The following GPHN variants were observed in gnomAD, a reference collection of about 807,000 sequenced individuals.
The protein encoded by GPHN is gephyrin.
Under a neutral mutation model 95.5 loss-of-function variants are expected in GPHN, and 17 were observed. The observed-to-expected ratio is 0.18, with a 90% CI of 0.12 to 0.27. The LOEUF is 0.27. GPHN is among the 10% of genes least tolerant of loss of function. GPHN has a pLI of 1.00. For synonymous variants in GPHN, 320 were observed against 322.5 expected (o/e 0.99, Z 0.08); for missense variants, 660 against 978.1 (o/e 0.67, Z 4.34).
chr14:67,632,562 G>T, the GPHN span, among the ~76,000 whole-genome samples: 1 of 152,110 alleles, frequency 6.6e-6, no homozygotes. Context: ...GTACCCAGGG[G>T]AGTTAGGCTC....
chr14:66,510,347 A>G (rs935942693), intron 1 of GPHN, among the ~76,000 whole-genome samples: 1 of 152,252 alleles, frequency 6.6e-6, no homozygotes, highest in Admixed American at 6.5e-5. Flanking sequence ...TAAACCGTAG[A>G]AACATTTTTA....
the GPHN span, chr14:67,577,328 CTG>C: frequency 6.3e-7 from 1 of 1,577,624 alleles, no homozygotes. Context: ...GCACCCCATG[CTG>C]TGCTACAGCA....
the GPHN span, among the ~76,000 whole-genome samples, chr14:67,525,778 TG>T: frequency 1.3e-5 from 2 of 152,220 alleles, no homozygotes; most frequent in East Asian, 3.8e-4. Context: ...TTAACAATTT[TG>T]CCTCCCAAAA....
At chr14:66,641,041 TA>T (rs1207510803) in intron 1 of GPHN, among the ~76,000 whole-genome samples, 2 of 152,174 alleles carry the variant, frequency 1.3e-5, no homozygotes, top group Non-Finnish European at 2.9e-5. Flanking sequence ...AGGATGAAGC[TA>T]AAAGGATGAA....
intron 20 of GPHN, among the ~76,000 whole-genome samples, chr14:67,167,043 C>CA (rs1428381751): frequency 1.2e-4 from 18 of 152,238 alleles, no homozygotes; most frequent in African/African-American, 4.3e-4. Context: ...TCCCTAATCT[C>CA]GACAAGTTTT....
At chr14:67,618,543 T>A in the GPHN span, among the ~76,000 whole-genome samples, 4 of 151,796 alleles carry the variant, frequency 2.6e-5, no homozygotes, top group East Asian at 7.8e-4. Context: ...CCAGCTATTT[T>A]TTTTTTTTTA....
At chr14:67,254,028 C>T in the GPHN span, among the ~76,000 whole-genome samples, 1 of 134,300 alleles carries the variant, frequency 7.4e-6, no homozygotes, top group Non-Finnish European at 1.5e-5. Context: ...ATATTCATCC[C>T]CCCCCCCTTA....
the GPHN span, among the ~76,000 whole-genome samples, chr14:67,711,322 A>C: frequency 1.3e-5 from 2 of 152,228 alleles, no homozygotes; most frequent in Non-Finnish European, 2.9e-5. Flanking sequence ...GTTTGGCAGT[A>C]ATAAGTATGA....
chr14:67,145,635 C>A (rs1333188653), intron 18 of GPHN, among the ~76,000 whole-genome samples: 3 of 152,098 alleles, frequency 2.0e-5, no homozygotes, highest in African/African-American at 7.2e-5. Context: ...ATACATGCAG[C>A]AAATTCCTGC....
intron 8 of GPHN, among the ~76,000 whole-genome samples, chr14:66,960,440 A>G (rs2068819549): frequency 1.3e-5 from 2 of 152,036 alleles, no homozygotes; most frequent in Non-Finnish European, 2.9e-5. Flanking sequence ...TTTCAGCAGT[A>G]GTAGTTATTT....
chr14:66,684,911 C>A (rs1011565818), intron 2 of GPHN, among the ~76,000 whole-genome samples: 1 of 152,116 alleles, frequency 6.6e-6, no homozygotes, highest in Non-Finnish European at 1.5e-5. Context: ...TCACCCCACC[C>A]CACAACAGGC....
At chr14:66,681,535 T>C (rs1312886510) in intron 2 of GPHN, among the ~76,000 whole-genome samples, 2 of 152,096 alleles carry the variant, frequency 1.3e-5, no homozygotes, top group Non-Finnish European at 2.9e-5. Flanking sequence ...GAATATATTG[T>C]TTATAGTAAT....
At chr14:66,842,866 C>T in intron 4 of GPHN, 1 of 627,950 alleles carries the variant, frequency 1.6e-6, no homozygotes, top group Non-Finnish European at 2.8e-6. Context: ...GTTCTAGGGT[C>T]ATTCTGTATC....
intron 3 of GPHN, among the ~76,000 whole-genome samples, chr14:66,811,097 T>G (rs2060741578): frequency 6.6e-6 from 1 of 152,096 alleles, no homozygotes; most frequent in Admixed American, 6.5e-5. Context: ...AAATGCAAAT[T>G]AAAACATCCA....
At chr14:66,808,667 T>C (rs770839165) in intron 3 of GPHN, among the ~76,000 whole-genome samples, 6 of 152,184 alleles carry the variant, frequency 3.9e-5, no homozygotes, top group Non-Finnish European at 7.4e-5. Flanking sequence ...CGTGGTGGCC[T>C]GTGCCTGTAA....
chr14:67,416,131 A>G, the GPHN span, among the ~76,000 whole-genome samples: 1 of 152,238 alleles, frequency 6.6e-6, no homozygotes, highest in South Asian at 2.1e-4. Flanking sequence ...TTGAAACTTA[A>G]GATAATTAAA....
chr14:66,641,678 G>C (rs1465014024), intron 1 of GPHN, among the ~76,000 whole-genome samples: 2 of 151,158 alleles, frequency 1.3e-5, no homozygotes, highest in African/African-American at 4.9e-5. Context: ...GAGAGAGGTA[G>C]AGCACATTTT....
the GPHN span, among the ~76,000 whole-genome samples, chr14:67,414,586 G>C: frequency 6.6e-6 from 1 of 152,186 alleles, no homozygotes; most frequent in South Asian, 2.1e-4. Flanking sequence ...TTTTTGTCCC[G>C]AAGGGACAGG....
the GPHN span, among the ~76,000 whole-genome samples, chr14:67,424,926 T>G: frequency 6.6e-6 from 1 of 152,348 alleles, no homozygotes; most frequent in East Asian, 1.9e-4. Context: ...TCCCCAAGGC[T>G]GGTCCCTGGG....
Sources: gnomAD v4.1 joint callset for allele counts (sites outside exome capture counted in the v4.1 genomes callset) on GRCh38, gnomAD v4.1.1 for gene constraint, MANE v1.5 for transcripts, NCBI Gene and HGNC (gene_info 2026-07-23, HGNC 2026-07-21) for gene names.